ZNF793: variants seen among roughly 807,000 people sequenced by gnomAD.
ZNF793 encodes the protein zinc finger protein 793.
Under a neutral mutation model 12.4 loss-of-function variants are expected in ZNF793, and 5 were observed. The ratio of observed to expected loss-of-function variants is 0.40; its 90% CI spans 0.21 to 0.84. The LOEUF is 0.84. Ranked by LOEUF, ZNF793 falls within the 40% of genes least tolerant of loss-of-function variation. The pLI, the probability that ZNF793 is intolerant of heterozygous loss-of-function variation, is 0.35. For missense variants in ZNF793, 456 were observed against 495.0 expected (o/e 0.92, Z 0.75); for synonymous variants, 162 against 172.4 (o/e 0.94, Z 0.47).
chr19:37,530,794 A>T (rs1159578641), intron 5 of ZNF793, among the ~76,000 whole-genome samples: 1 of 152,120 alleles, frequency 6.6e-6, no homozygotes, highest in Non-Finnish European at 1.5e-5. Context: ...ATTACATATA[A>T]TCTTTATTAA....
At chr19:37,533,698 T>C (rs1335174631) in intron 7 of ZNF793, 1 of 477,010 alleles carries the variant, frequency 2.1e-6, no homozygotes, top group African/African-American at 2.0e-5. Context: ...CTTCCTATTC[T>C]CTGTTGTGAC....
Position 37,537,100 on chromosome 19 carries a change from C to G in ZNF793, c.442C>G (p.His148Asp), listed in dbSNP as rs773128670. The change falls in exon 8 of 8, where the codon CAT (histidine) becomes GAT (aspartate). Residue 148 changes from histidine (H) to aspartate (D), a missense_variant. Physicochemically the swap from His to Asp is moderately conservative, Grantham distance 81. Transcript: ENST00000627814. ...GAACCCTTGTGGAAAGAATTTGAAC[C>G]ATAATTTAGACTTGATTGGTTTTAA... is the stretch of plus-strand genomic sequence containing the variant. ...NWNPCGKNLNHNLDLIGFKRN... is the reference protein window; with the variant it reads ...NWNPCGKNLNDNLDLIGFKRN... 24 of 1,613,256 alleles carry G rather than the reference C, an allele frequency of 1.5e-5. No individual in the cohort carries two copies. Among genetic ancestry groups the G allele is most frequent in the Non-Finnish European group, 2.0e-5 (24 of 1,179,582 alleles).
chr19:37,508,636 G>A (rs2042269348), intron 2 of ZNF793, among the ~76,000 whole-genome samples: 1 of 152,138 alleles, frequency 6.6e-6, no homozygotes, highest in Non-Finnish European at 1.5e-5. Flanking sequence ...AACCCAAGAG[G>A]TGGAGATTGC....
chr19:37,518,816 T>C (rs1183598165), intron 2 of ZNF793, among the ~76,000 whole-genome samples: 2 of 151,258 alleles, frequency 1.3e-5, no homozygotes, highest in Non-Finnish European at 2.9e-5. Context: ...AATAAATTAT[T>C]GTTGGGACAT....
At chr19:37,517,946 G>A (rs1263918454) in intron 2 of ZNF793, among the ~76,000 whole-genome samples, 3 of 152,100 alleles carry the variant, frequency 2.0e-5, no homozygotes, top group Non-Finnish European at 4.4e-5. Context: ...AAAATGAAAC[G>A]TAAATTCCTT....
chr19:37,512,177 T>C (rs1293876290), intron 2 of ZNF793, among the ~76,000 whole-genome samples: 2 of 152,122 alleles, frequency 1.3e-5, no homozygotes, highest in Non-Finnish European at 2.9e-5. Context: ...TAAGAGATTA[T>C]TGTTTTGTTT....
intron 7 of ZNF793, chr19:37,535,176 T>C (rs1328908857): frequency 6.6e-6 from 1 of 152,174 alleles, no homozygotes; most frequent in African/African-American, 2.4e-5. Flanking sequence ...GTATTTTTAG[T>C]AGAGATGGGG....
rs191421168 is a variant in ZNF793 at position 37,525,792 on chromosome 19, G to A, written c.15+2338G>A. The stretch of plus-strand genomic sequence containing the variant: ...TACAGAAGCCCTGAATTTGATCCAA[G>A]GCAGCTGTAGCCTTGATCTGGACTG... On this transcript the variant is annotated intron_variant, in intron 5 of 7. Transcript: ENST00000627814. 1.1e-4 allele frequency among the ~76,000 whole-genome samples: 17 copies of A among 152,292 alleles called. No homozygotes were observed. In the East Asian group the frequency reaches 3.3e-3, roughly 29 times the overall value.
Position 37,538,275 on chromosome 19 carries a change from G to A in ZNF793, c.*396G>A, listed in dbSNP as rs2042527192. ...TCATTTTAATGAATTTGAACAGTGTGTTTTTATTTTATTTATTTATTTATT... is the reference window on the plus strand; with the variant it reads ...TCATTTTAATGAATTTGAACAGTGTATTTTTATTTTATTTATTTATTTATT... On this transcript the variant is annotated 3_prime_UTR_variant, in exon 8 of 8. Coordinates refer to ENST00000627814, the MANE Select transcript of ZNF793 (RefSeq NM_001013659.3). 6.4e-6 allele frequency: 1 copy of A among 156,156 alleles called. No individual in the cohort carries two copies. Among genetic ancestry groups the A allele is most frequent in the East Asian group, 1.9e-4 (1 of 5,288 alleles). 9.7% of individuals were successfully genotyped at this position (156,156 alleles called of 1,614,324 possible).
intron 2 of ZNF793, among the ~76,000 whole-genome samples, chr19:37,515,346 C>T (rs1041922291): frequency 2.0e-5 from 3 of 149,940 alleles, no homozygotes; most frequent in Non-Finnish European, 3.0e-5. Context: ...CTCACTCTGT[C>T]GCCCAGGCTG....
In ZNF793 at chr19:37,537,469, A is replaced by G; in HGVS notation, c.811A>G (p.Ile271Val). 6.2e-7 allele frequency: 1 copy of G among 1,614,010 alleles called. No individual in the cohort carries two copies. The highest frequency in any genetic ancestry group is 8.5e-7 in the Non-Finnish European group (1 of 1,179,882). The part of the protein sequence containing the change: ...GKAFSHKSTL[I>V]KHQRIHTGVR... Reference sequence around the variant, plus strand: ...AGCCTTTTCACATAAGTCAACCCTCATCAAACACCAGAGAATTCACACTGG... The same window carrying G: ...AGCCTTTTCACATAAGTCAACCCTCGTCAAACACCAGAGAATTCACACTGG... Residue 271 changes from isoleucine (I) to valine (V), a missense_variant, in exon 8 of 8, where the codon ATC (isoleucine) becomes GTC (valine). Coordinates refer to ENST00000627814, the MANE Select transcript of ZNF793 (RefSeq NM_001013659.3).
At chr19:37,510,462 C>T (rs958934821) in intron 2 of ZNF793, among the ~76,000 whole-genome samples, 11 of 150,080 alleles carry the variant, frequency 7.3e-5, no homozygotes, top group African/African-American at 2.7e-4. Flanking sequence ...TTACAGTGAG[C>T]CGAGATTGCA....
intron 7 of ZNF793, chr19:37,534,993 T>C (rs1248729884): frequency 4.0e-5 from 6 of 151,740 alleles, no homozygotes; most frequent in Non-Finnish European, 8.8e-5. Flanking sequence ...CCTTCTCCAC[T>C]TTTTTTTGTT....
At chr19:37,533,538 T>C (rs1401384652) in intron 7 of ZNF793, 135 bp downstream of exon 7, 5 of 689,704 alleles carry the variant, frequency 7.2e-6, no homozygotes, top group East Asian at 5.4e-5. Flanking sequence ...TCAACCTCCA[T>C]GCAACCCCAC....
At chr19:37,534,393 T>C (rs2042486781) in intron 7 of ZNF793, 1 of 152,154 alleles carries the variant, frequency 6.6e-6, no homozygotes, top group Non-Finnish European at 1.5e-5. Flanking sequence ...ATTTAACCAG[T>C]CTGTGGATTA....
At position 37,532,441 on chromosome 19, in the gene ZNF793, G is replaced by A. The variant is rs371262002; in HGVS notation, c.101G>A (p.Arg34Gln). ...RLSPAQRALY[R>Q]DVMLETYSNL... ...AGTCCTGCTCAGAGGGCCCTGTACC[G>A]GGATGTGATGCTGGAAACCTATAGC... Residue 34 changes from arginine (R) to glutamine (Q), a missense_variant, in exon 6 of 8, where the codon CGG (arginine) becomes CAG (glutamine). Coordinates refer to ENST00000627814, the MANE Select transcript of ZNF793 (RefSeq NM_001013659.3). 18 of 1,613,000 alleles carry A rather than the reference G, an allele frequency of 1.1e-5. No homozygotes were observed. The highest frequency in any genetic ancestry group is 1.1e-4 in the East Asian group (5 of 44,828).
At position 37,523,899 on chromosome 19, in the gene ZNF793, C is replaced by T. The variant is rs1324231530; in HGVS notation, c.15+445C>T. Among the ~76,000 whole-genome samples, 6 of 152,058 alleles carry T rather than the reference C, an allele frequency of 3.9e-5. No individual in the cohort carries two copies. In the South Asian group the frequency reaches 8.3e-4, roughly 21 times the overall value. On this transcript the variant is annotated intron_variant, in intron 5 of 7. Transcript: ENST00000627814. ...TAGGGGTAGCTCATGCCTGTAATCC[C>T]GGCACTTTGGGAGGCCAAGGCAGTT...
chr19:37,535,925 G>A (rs1188039045), intron 7 of ZNF793: 3 of 152,246 alleles, frequency 2.0e-5, no homozygotes, highest in Non-Finnish European at 2.9e-5. Flanking sequence ...TGATCTCAAA[G>A]AAGAGATGAT....
rs758439081 is a variant in ZNF793, at chr19:37,537,412, G to A, written c.754G>A (p.Glu252Lys). 7.4e-6 allele frequency: 12 copies of A among 1,613,168 alleles called. No individual in the cohort carries two copies. The South Asian group carries it at 1.1e-4, about 15-fold the overall frequency. The change falls in exon 8 of 8, where the codon GAG becomes AAG. Residue 252 changes from glutamate to lysine, a missense_variant. Physicochemically the swap from Glu to Lys is moderately conservative, Grantham distance 56 (BLOSUM62 1). Coordinates refer to ENST00000627814, the MANE Select transcript of ZNF793 (RefSeq NM_001013659.3). ...TAGGCATCAGAGAAGTCACACTGGG[G>A]AGAAGCCTTATGGCTGCACTGACTG... The part of the protein sequence containing the change: ...FIRHQRSHTG[E>K]KPYGCTDCGK...
Sources: gnomAD v4.1 joint callset for allele counts (sites outside exome capture counted in the v4.1 genomes callset) on GRCh38, gnomAD v4.1.1 for gene constraint, MANE v1.5 for transcripts, NCBI Gene and HGNC (gene_info 2026-07-23, HGNC 2026-07-21) for gene names.